ARMC3: variants seen among roughly 807,000 people sequenced by gnomAD.
The protein encoded by ARMC3 is armadillo repeat containing 3.
Under a neutral mutation model 90.3 loss-of-function variants are expected in ARMC3, and 74 were observed. The observed-to-expected ratio is 0.82, with a 90% CI of 0.68 to 0.99. ARMC3 has a LOEUF of 0.99. Ranked by LOEUF, ARMC3 falls within the 50% of genes least tolerant of loss-of-function variation. The probability of loss-of-function intolerance (pLI) is 0.00; values close to 1 mark genes in which losing one functional copy is unlikely to be tolerated. For missense variants in ARMC3, 958 were observed against 1,042.8 expected (o/e 0.92, Z 1.12); for synonymous variants, 334 against 361.8 (o/e 0.92, Z 0.87).
intron 3 of ARMC3, among the ~76,000 whole-genome samples, chr10:22,950,122 A>G (rs1405753370): frequency 6.6e-6 from 1 of 152,130 alleles, no homozygotes; most frequent in Non-Finnish European, 1.5e-5. Flanking sequence ...GCAGATCTAC[A>G]CTATTACTTA....
intron 2 of ARMC3, among the ~76,000 whole-genome samples, chr10:22,943,232 A>G (rs1834389326): frequency 6.6e-6 from 1 of 152,104 alleles, no homozygotes; most frequent in Admixed American, 6.5e-5. Flanking sequence ...GGATTTATTT[A>G]CCCTAGTGAT....
chr10:23,003,508 T>C, intron 13 of ARMC3, 94 bp downstream of exon 13: 6 of 1,023,930 alleles, frequency 5.9e-6, no homozygotes, highest in Non-Finnish European at 8.1e-6. Flanking sequence ...CATCACCTAA[T>C]GTAATTTATA....
intron 14 of ARMC3, among the ~76,000 whole-genome samples, chr10:23,007,716 A>AAG (rs66842579): frequency 7.4e-5 from 8 of 108,078 alleles, no homozygotes; most frequent in African/African-American, 3.1e-4. Flanking sequence ...AAAAAAAAAA[A>AAG]AGAGAGAGAG....
chr10:22,982,586 A>G (rs1314846136), intron 10 of ARMC3, among the ~76,000 whole-genome samples: 1 of 152,252 alleles, frequency 6.6e-6, no homozygotes, highest in Non-Finnish European at 1.5e-5. Context: ...TTATCGAAAT[A>G]GCTGAGCTGG....
chr10:22,984,613 T>C (rs1836332083), intron 10 of ARMC3, among the ~76,000 whole-genome samples: 1 of 152,124 alleles, frequency 6.6e-6, no homozygotes, highest in African/African-American at 2.4e-5. Flanking sequence ...AATAGTATGA[T>C]GATGAGCAAT....
At chr10:23,017,722 C>T (rs576231145) in intron 16 of ARMC3, among the ~76,000 whole-genome samples, 27 of 152,360 alleles carry the variant, frequency 1.8e-4, no homozygotes, top group African/African-American at 6.0e-4. Context: ...GCCAAGATCG[C>T]ACTACTGCAT....
intron 13 of ARMC3, among the ~76,000 whole-genome samples, chr10:23,004,633 T>C (rs1455221916): frequency 6.6e-6 from 1 of 151,976 alleles, no homozygotes; most frequent in African/African-American, 2.4e-5. Flanking sequence ...TTGGACCAAT[T>C]TGGTTCCAAG....
chr10:23,005,269 C>T (rs891410641), intron 13 of ARMC3, among the ~76,000 whole-genome samples: 3 of 146,290 alleles, frequency 2.1e-5, no homozygotes, highest in Non-Finnish European at 3.0e-5. Context: ...AGAAAACTGA[C>T]GGGAAAAGCC....
chr10:22,964,515 C>T (rs1835365871), intron 7 of ARMC3, among the ~76,000 whole-genome samples: 1 of 151,342 alleles, frequency 6.6e-6, no homozygotes, highest in Non-Finnish European at 1.5e-5. Context: ...TCTCTGCTCA[C>T]TGCAATTTCT....
At chr10:22,967,428 C>T (rs550561866) in intron 7 of ARMC3, among the ~76,000 whole-genome samples, 8 of 152,236 alleles carry the variant, frequency 5.3e-5, no homozygotes, top group African/African-American at 1.2e-4. Flanking sequence ...TTTTAGCTAA[C>T]GTGATACAAC....
intron 2 of ARMC3, among the ~76,000 whole-genome samples, chr10:22,934,000 T>C (rs1834028245): frequency 6.6e-6 from 1 of 152,200 alleles, no homozygotes; most frequent in African/African-American, 2.4e-5. Flanking sequence ...TATGCCACAA[T>C]TTACAGTATC....
At chr10:22,994,632 T>C (rs761771102) in intron 10 of ARMC3, among the ~76,000 whole-genome samples, 21 of 151,920 alleles carry the variant, frequency 1.4e-4, no homozygotes, top group Non-Finnish European at 2.8e-4. Context: ...AGGGGAGCAA[T>C]ATGATTATAA....
At chr10:23,008,727 A>T (rs1837764447) in intron 15 of ARMC3, 88 bp from the exon 16 acceptor site, 9 of 1,091,942 alleles carry the variant, frequency 8.2e-6, no homozygotes, top group Non-Finnish European at 1.1e-5. Flanking sequence ...ATGAAGTAAA[A>T]ATGCCTTGTA....
chr10:22,986,108 A>ACCCCC (rs1836414109), intron 10 of ARMC3, among the ~76,000 whole-genome samples: 2 of 110,834 alleles, frequency 1.8e-5, no homozygotes, highest in East Asian at 4.4e-4. Flanking sequence ...CCTGCACTGC[A>ACCCCC]CGCCCCCCCC....
chr10:22,939,315 C>A (rs937572642), intron 2 of ARMC3, among the ~76,000 whole-genome samples: 1 of 152,182 alleles, frequency 6.6e-6, no homozygotes, highest in Non-Finnish European at 1.5e-5. Context: ...CCTCTGGATT[C>A]TCTGAAGTCT....
At chr10:22,973,081 A>T (rs1164712098) in intron 8 of ARMC3, among the ~76,000 whole-genome samples, 1 of 151,892 alleles carries the variant, frequency 6.6e-6, no homozygotes, top group Non-Finnish European at 1.5e-5. Flanking sequence ...ATCACTTGAC[A>T]CCAGGAGTTC....
rs1250676060 is a variant in ARMC3, at chr10:22,946,275, TC to T, written c.166+15del. On this transcript the variant is annotated intron_variant, in intron 3 of 18. Coordinates refer to ENST00000298032, the MANE Select transcript of ARMC3 (RefSeq NM_173081.5). ...TTGCTTTAAAAGGTTTGGATTTTTT[TC>T]AGTTTATCTTTCTGTTTCATTAATT... 7.9e-6 allele frequency: 12 copies of T among 1,518,784 alleles called. No homozygotes were observed. Among genetic ancestry groups the T allele is most frequent in the Non-Finnish European group, 1.1e-5 (12 of 1,099,514 alleles). The allele number at this position is 1,518,784 out of a possible 1,614,324, so 94.1% of individuals were successfully genotyped here. A position where few individuals can be genotyped will look rare whatever the true frequency, so the allele number is the denominator to read the frequency against.
At chr10:23,028,175 T>A (rs1308393179) in intron 16 of ARMC3, among the ~76,000 whole-genome samples, 1 of 152,018 alleles carries the variant, frequency 6.6e-6, no homozygotes, top group Non-Finnish European at 1.5e-5. Context: ...CAACAACAAT[T>A]TTGTTCTGGG....
At chr10:22,976,848 A>G (rs1167727929) in intron 8 of ARMC3, among the ~76,000 whole-genome samples, 1 of 152,186 alleles carries the variant, frequency 6.6e-6, no homozygotes, top group African/African-American at 2.4e-5. Context: ...CAAATACACT[A>G]CATTCTGCAT....
Sources: allele counts gnomAD v4.1 joint callset (sites outside exome capture counted in the v4.1 genomes callset), GRCh38; gene constraint gnomAD v4.1.1; transcripts MANE v1.5; gene names NCBI Gene and HGNC (gene_info 2026-07-23, HGNC 2026-07-21).